The following LTBP1 variants were observed in gnomAD, a reference collection of about 807,000 sequenced individuals.
LTBP1 encodes the protein latent transforming growth factor beta binding protein 1.
In LTBP1, 129 loss-of-function variants were observed where a neutral mutation model predicts 207.6. The ratio of observed to expected loss-of-function variants is 0.62; its 90% CI spans 0.54 to 0.72. The LOEUF (loss-of-function observed/expected upper bound fraction) is 0.72. Among genes scored for constraint, LTBP1 ranks in the 30% least tolerant of loss-of-function variants. The pLI, the probability that LTBP1 is intolerant of heterozygous loss-of-function variation, is 0.00. For synonymous variants in LTBP1, 963 were observed against 833.7 expected, an observed-to-expected ratio of 1.16 and a Z score of -2.67; for missense variants, 2,281 against 2,217.2, an observed-to-expected ratio of 1.03 and a Z score of -0.58.
chr2:33,174,453 T>C (rs1222727325), intron 5 of LTBP1, among the ~76,000 whole-genome samples: 21 of 151,374 alleles, frequency 1.4e-4, no homozygotes, highest in South Asian at 8.3e-4. Flanking sequence ...TTACAAGGGA[T>C]GTGAAGGACC....
intron 9 of LTBP1, among the ~76,000 whole-genome samples, chr2:33,225,783 C>T (rs1285779117): frequency 6.6e-6 from 1 of 152,144 alleles, no homozygotes; most frequent in Non-Finnish European, 1.5e-5. Context: ...CTTTTTACTT[C>T]AGTGAGATCA....
chr2:33,127,776 G>T (rs532680401), intron 4 of LTBP1, among the ~76,000 whole-genome samples: 1 of 152,280 alleles, frequency 6.6e-6, no homozygotes, highest in East Asian at 1.9e-4. Context: ...AAATCATGGA[G>T]GGAAGGAGTA....
chr2:33,231,962 AACT>A (rs1359279478), intron 9 of LTBP1, among the ~76,000 whole-genome samples: 1 of 152,188 alleles, frequency 6.6e-6, no homozygotes, highest in African/African-American at 2.4e-5. Context: ...CAGGTATAAG[AACT>A]ACTGCAGTGG....
At chr2:33,219,950 T>C (rs1335149770) in intron 8 of LTBP1, among the ~76,000 whole-genome samples, 4 of 152,170 alleles carry the variant, frequency 2.6e-5, no homozygotes, top group African/African-American at 9.7e-5. Flanking sequence ...TTCACTGATG[T>C]CTGTGGTTTG....
chr2:33,364,033 C>T (rs1485561210), intron 29 of LTBP1, among the ~76,000 whole-genome samples, 183 bp from the exon 30 acceptor site: 2 of 152,154 alleles, frequency 1.3e-5, no homozygotes, highest in Non-Finnish European at 2.9e-5. Flanking sequence ...TGTTGTTTTT[C>T]AGTCAGAGCA....
intron 3 of LTBP1, among the ~76,000 whole-genome samples, chr2:33,103,610 TGTGTGTGTGTGTGTGTGA>T (rs1216245176): frequency 8.4e-5 from 12 of 143,250 alleles, no homozygotes; most frequent in Non-Finnish European, 1.1e-4. Context: ...TGTGTGTGTG[TGTGTGTGTGTGTGTGTGA>T]GTGTTATGCT....
chr2:33,083,598 G>C (rs867466495), intron 3 of LTBP1, among the ~76,000 whole-genome samples: 13 of 152,224 alleles, frequency 8.5e-5, no homozygotes, highest in African/African-American at 2.9e-4. Flanking sequence ...GGTGATTTCT[G>C]GTGCTGCAGT....
intron 24 of LTBP1, among the ~76,000 whole-genome samples, chr2:33,331,507 G>A (rs2094493689): frequency 1.3e-5 from 2 of 152,016 alleles, no homozygotes; most frequent in South Asian, 4.1e-4. Flanking sequence ...ATATCCAGAT[G>A]TTTGGGTATT....
intron 2 of LTBP1, among the ~76,000 whole-genome samples, chr2:32,969,734 A>T (rs1680575775): frequency 1.3e-5 from 2 of 152,196 alleles, no homozygotes; most frequent in South Asian, 4.1e-4. Context: ...TGTGATGAAC[A>T]TATGCATGCA....
intron 7 of LTBP1, among the ~76,000 whole-genome samples, chr2:33,194,606 T>C (rs1049031905): frequency 3.3e-5 from 5 of 152,156 alleles, no homozygotes; most frequent in African/African-American, 7.2e-5. Flanking sequence ...GTCAGGAAGT[T>C]GCAGAAGAAA....
chr2:33,032,136 T>C (rs2075718017), intron 3 of LTBP1, among the ~76,000 whole-genome samples: 2 of 152,158 alleles, frequency 1.3e-5, no homozygotes, highest in Admixed American at 1.3e-4. Flanking sequence ...TCTCTACCTA[T>C]GTTAAATGGA....
At chr2:33,303,333 C>T (rs2094023536) in intron 22 of LTBP1, among the ~76,000 whole-genome samples, 1 of 149,944 alleles carries the variant, frequency 6.7e-6, no homozygotes, top group Non-Finnish European at 1.5e-5. Flanking sequence ...CTCAGATCAT[C>T]AGGCATTAGT....
chr2:33,121,381 T>G (rs1043245002), intron 4 of LTBP1, among the ~76,000 whole-genome samples: 5 of 152,132 alleles, frequency 3.3e-5, no homozygotes, highest in African/African-American at 1.2e-4. Context: ...TAGAAAGCTT[T>G]GGCGAGAGAA....
At chr2:33,232,085 A>G (rs1034476206) in intron 9 of LTBP1, among the ~76,000 whole-genome samples, 1 of 152,072 alleles carries the variant, frequency 6.6e-6, no homozygotes, top group Non-Finnish European at 1.5e-5. Flanking sequence ...ATGAAAAATT[A>G]CTAAGAGGAC....
intron 2 of LTBP1, among the ~76,000 whole-genome samples, chr2:32,990,120 G>A (rs939010099): frequency 3.9e-5 from 6 of 152,094 alleles, no homozygotes; most frequent in South Asian, 2.1e-4. Context: ...AAGGAATAGC[G>A]GCAACCAAGT....
At chr2:33,036,480 C>T (rs867768196) in intron 3 of LTBP1, among the ~76,000 whole-genome samples, 18 of 149,964 alleles carry the variant, frequency 1.2e-4, no homozygotes, top group Middle Eastern at 3.5e-3. Context: ...TTTTTTGAGA[C>T]GGAGTCTCAC....
chr2:33,243,104 G>C (rs1357658057), intron 9 of LTBP1, among the ~76,000 whole-genome samples: 1 of 152,062 alleles, frequency 6.6e-6, no homozygotes, highest in Admixed American at 6.6e-5. Flanking sequence ...CATCCATCCA[G>C]CTCCTGCCCA....
chr2:33,057,388 G>A (rs1022996422), intron 3 of LTBP1, among the ~76,000 whole-genome samples: 9 of 152,336 alleles, frequency 5.9e-5, no homozygotes, highest in Middle Eastern at 3.4e-3. Context: ...CACTGGGGCC[G>A]CAGGTCGAGC....
At chr2:33,072,049 A>G (rs2149755432) in intron 3 of LTBP1, among the ~76,000 whole-genome samples, 1 of 152,258 alleles carries the variant, frequency 6.6e-6, no homozygotes, top group Non-Finnish European at 1.5e-5. Flanking sequence ...CCCGTTTCAG[A>G]TACCAGTTGC....
Sources: gnomAD v4.1 joint callset for allele counts (sites outside exome capture counted in the v4.1 genomes callset) on GRCh38, gnomAD v4.1.1 for gene constraint, MANE v1.5 for transcripts, NCBI Gene and HGNC (gene_info 2026-07-23, HGNC 2026-07-21) for gene names.